Variants in PTPRD observed in about 807,000 individuals in gnomAD.
PTPRD encodes the protein receptor-type tyrosine-protein phosphatase delta.
PTPRD carries 34 observed loss-of-function variants against 214.5 expected under a neutral mutation model. The observed-to-expected ratio is 0.16, with a 90% CI of 0.12 to 0.21. PTPRD has a LOEUF of 0.21. Among genes scored for constraint, PTPRD ranks in the 10% least tolerant of loss-of-function variants. PTPRD has a pLI of 1.00. For missense variants in PTPRD, 2,545 were observed against 2,398.7 expected (o/e 1.06, Z -1.27); for synonymous variants, 1,128 against 845.7 (o/e 1.33, Z -5.79).
At chr9:9,207,915 T>C (rs2099945883) in intron 9 of PTPRD, among the ~76,000 whole-genome samples, 1 of 151,658 alleles carries the variant, frequency 6.6e-6, no homozygotes, top group African/African-American at 2.4e-5. Flanking sequence ...CCAAGAGCAA[T>C]CTTCGTAGTA....
At chr9:8,461,255 T>G (rs891487017) in intron 32 of PTPRD, among the ~76,000 whole-genome samples, 1 of 152,072 alleles carries the variant, frequency 6.6e-6, no homozygotes, top group Non-Finnish European at 1.5e-5. Flanking sequence ...ATATAGAATT[T>G]TTAGAACTTA....
chr9:10,428,546 A>G (rs2098646966), intron 2 of PTPRD, among the ~76,000 whole-genome samples: 1 of 152,052 alleles, frequency 6.6e-6, no homozygotes, highest in Non-Finnish European at 1.5e-5. Flanking sequence ...TGAGAGTAAG[A>G]AAACTTTGGA....
chr9:10,500,294 T>C (rs910181176), intron 2 of PTPRD, among the ~76,000 whole-genome samples: 1 of 151,776 alleles, frequency 6.6e-6, no homozygotes, highest in African/African-American at 2.4e-5. Flanking sequence ...ACAGACTTCA[T>C]TCAGAACCTG....
At chr9:10,516,075 A>C (rs573234112) in intron 2 of PTPRD, among the ~76,000 whole-genome samples, 1 of 151,932 alleles carries the variant, frequency 6.6e-6, no homozygotes, top group Non-Finnish European at 1.5e-5. Context: ...TATTGAAATT[A>C]TTTTGAACAA....
At chr9:10,610,881 C>T (rs1567202095) in intron 2 of PTPRD, among the ~76,000 whole-genome samples, 1 of 152,102 alleles carries the variant, frequency 6.6e-6, no homozygotes, top group Non-Finnish European at 1.5e-5. Flanking sequence ...AACATCTCTA[C>T]TTTTTTGTAA....
At chr9:10,043,738 T>C (rs1589596079) in intron 3 of PTPRD, among the ~76,000 whole-genome samples, 1 of 151,936 alleles carries the variant, frequency 6.6e-6, no homozygotes, top group East Asian at 1.9e-4. Flanking sequence ...TAGGTAAGGA[T>C]GAAGCCACTG....
intron 34 of PTPRD, among the ~76,000 whole-genome samples, chr9:8,444,965 G>A: frequency 6.6e-6 from 1 of 152,098 alleles, no homozygotes; most frequent in East Asian, 1.9e-4. Flanking sequence ...TCCTTTAAAT[G>A]CATCTTTTAT....
At chr9:10,120,762 C>T (rs574616270) in intron 3 of PTPRD, among the ~76,000 whole-genome samples, 9 of 152,088 alleles carry the variant, frequency 5.9e-5, no homozygotes, top group African/African-American at 1.4e-4. Flanking sequence ...GAGGAGCCAA[C>T]GATAATCCCA....
At chr9:9,684,087 C>A (rs2097125594) in intron 7 of PTPRD, among the ~76,000 whole-genome samples, 1 of 151,528 alleles carries the variant, frequency 6.6e-6, no homozygotes, top group Non-Finnish European at 1.5e-5. Context: ...ATACTCGAAT[C>A]ATTTTGAAGT....
At chr9:10,234,599 G>T (rs2099622928) in intron 3 of PTPRD, among the ~76,000 whole-genome samples, 1 of 150,094 alleles carries the variant, frequency 6.7e-6, no homozygotes. Context: ...CAAGAAATTC[G>T]AGTAAAGAAA....
At chr9:9,528,795 G>C (rs1266800867) in intron 8 of PTPRD, among the ~76,000 whole-genome samples, 2 of 151,258 alleles carry the variant, frequency 1.3e-5, no homozygotes, top group Non-Finnish European at 2.9e-5. Flanking sequence ...GAAGACAATG[G>C]AAAGACATCT....
intron 7 of PTPRD, among the ~76,000 whole-genome samples, chr9:9,679,482 T>G (rs2097017921): frequency 6.6e-6 from 1 of 151,802 alleles, no homozygotes; most frequent in African/African-American, 2.4e-5. Flanking sequence ...GAATGACGGA[T>G]CCCCCTGTGA....
chr9:8,461,527 A>T (rs538228856), intron 32 of PTPRD, among the ~76,000 whole-genome samples: 7 of 152,004 alleles, frequency 4.6e-5, no homozygotes, highest in African/African-American at 1.7e-4. Context: ...ATCCAACAGA[A>T]ACTAATCCAT....
chr9:8,730,784 G>A (rs1200577511), intron 12 of PTPRD, among the ~76,000 whole-genome samples: 4 of 152,116 alleles, frequency 2.6e-5, no homozygotes, highest in Non-Finnish European at 5.9e-5. Context: ...GGTTCTCGGA[G>A]CACTACCTAA....
intron 4 of PTPRD, among the ~76,000 whole-genome samples, chr9:9,979,536 T>C (rs796500516): frequency 4.6e-5 from 7 of 152,104 alleles, no homozygotes; most frequent in African/African-American, 1.7e-4. Context: ...AAAAATTAAA[T>C]ACAGTGATAT....
chr9:10,409,727 A>G (rs2098414881), intron 2 of PTPRD, among the ~76,000 whole-genome samples: 1 of 151,762 alleles, frequency 6.6e-6, no homozygotes, highest in Admixed American at 6.6e-5. Flanking sequence ...GCTTCTAATA[A>G]ATACAAATAG....
At chr9:8,742,864 A>G (rs762939963) in intron 11 of PTPRD, among the ~76,000 whole-genome samples, 2 of 152,160 alleles carry the variant, frequency 1.3e-5, no homozygotes, top group African/African-American at 4.8e-5. Flanking sequence ...GCCAGCTGTA[A>G]AAGTGACTTT....
At chr9:8,953,581 G>A (rs2099115191) in intron 11 of PTPRD, among the ~76,000 whole-genome samples, 1 of 151,866 alleles carries the variant, frequency 6.6e-6, no homozygotes. Context: ...GGGAGAAGAT[G>A]TTCACAAACT....
At chr9:10,580,326 T>A (rs10738168) in intron 2 of PTPRD, among the ~76,000 whole-genome samples, 12 of 152,148 alleles carry the variant, frequency 7.9e-5, no homozygotes, top group African/African-American at 2.6e-4. Flanking sequence ...ATTACATTCT[T>A]TGTCTTGGGA....
Sources: gnomAD v4.1 joint callset for allele counts (sites outside exome capture counted in the v4.1 genomes callset) on GRCh38, gnomAD v4.1.1 for gene constraint, MANE v1.5 for transcripts, NCBI Gene and HGNC (gene_info 2026-07-23, HGNC 2026-07-21) for gene names.